Variants in FAM120B observed in about 807,000 individuals in gnomAD.
FAM120B encodes family with sequence similarity 120 member B, also known as constitutive coactivator of peroxisome proliferator-activated receptor gamma.
In FAM120B, 83 loss-of-function variants were observed where a neutral mutation model predicts 96.3. That is an observed-to-expected ratio of 0.86 (90% CI 0.72 to 1.03). The LOEUF (loss-of-function observed/expected upper bound fraction) is 1.03, where lower values mean the gene tolerates loss of function less well. Ranked by LOEUF, FAM120B falls within the 50% of genes least tolerant of loss-of-function variation. The probability of loss-of-function intolerance (pLI) is 0.00; values close to 1 mark genes in which losing one functional copy is unlikely to be tolerated. For missense variants in FAM120B, 1,027 were observed against 1,121.2 expected (o/e 0.92, Z 1.20); for synonymous variants, 407 against 402.7 (o/e 1.01, Z -0.13).
intron 1 of FAM120B, among the ~76,000 whole-genome samples, chr6:170,301,137 G>A (rs976245073): frequency 3.3e-5 from 5 of 152,256 alleles, no homozygotes; most frequent in Non-Finnish European, 5.9e-5. Context: ...GCAGACCTCT[G>A]CCTGGACATC....
At chr6:170,301,766 C>T (rs1784146926), upstream of FAM120B, among the ~76,000 whole-genome samples, 1 of 152,192 alleles carries the variant, frequency 6.6e-6, no homozygotes, top group Non-Finnish European at 1.5e-5. Context: ...ACTCCAGTTC[C>T]CAACAACTTC....
At chr6:170,398,390 G>C (rs1053014552) in intron 9 of FAM120B, among the ~76,000 whole-genome samples, 1 of 152,128 alleles carries the variant, frequency 6.6e-6, no homozygotes, top group Non-Finnish European at 1.5e-5. Context: ...TCTTAGGAGT[G>C]AGTGGGGAAG....
intron 8 of FAM120B, among the ~76,000 whole-genome samples, chr6:170,392,639 G>A (rs1398525393): frequency 6.6e-6 from 1 of 152,092 alleles, no homozygotes; most frequent in African/African-American, 2.4e-5. Flanking sequence ...TTTCTTGATG[G>A]AATAGGAGAA....
intron 6 of FAM120B, among the ~76,000 whole-genome samples, chr6:170,384,331 T>C (rs1036952524): frequency 2.0e-5 from 3 of 152,188 alleles, no homozygotes; most frequent in African/African-American, 7.2e-5. Flanking sequence ...TGGGGCCCTC[T>C]ATCCTATCTT....
rs534900414 is a variant in FAM120B at position 170,350,047 on chromosome 6, T to G, written c.2190+1724T>G. On this transcript the variant is annotated intron_variant, in intron 5 of 10. Transcript: ENST00000476287. ...TCATGAGCCCATACCACCACAGCCTTGAGTCTGATACACAGAGCTGTTTGG... is the reference window on the plus strand; with the variant it reads ...TCATGAGCCCATACCACCACAGCCTGGAGTCTGATACACAGAGCTGTTTGG... 2.6e-5 allele frequency among the ~76,000 whole-genome samples: 4 copies of G among 152,284 alleles called. No individual in the cohort carries two copies. The South Asian group carries it at 8.3e-4, about 32-fold the overall frequency.
chr6:170,295,937 T>C lies in FAM120B; in HGVS notation c.48+484T>C, dbSNP rs1210318810. On this transcript the variant is annotated intron_variant, in intron 1 of 10. Coordinates refer to the FAM120B transcript ENST00000537664. The surrounding 1 kb of genome is among the most constrained non-coding windows in gnomAD (Gnocchi z 7.8). ...GAACGGGCGGGTCGCGTGGCTCAGC[T>C]GGCGGCCCCGGCGCAGATGACGGCT... 6.6e-6 allele frequency among the ~76,000 whole-genome samples: 1 copy of C among 151,494 alleles called. No individual in the cohort carries two copies. The highest frequency in any genetic ancestry group is 1.5e-5 in the Non-Finnish European group (1 of 67,822).
At chr6:170,341,269 A>G (rs1280737809) in intron 4 of FAM120B, among the ~76,000 whole-genome samples, 3 of 152,356 alleles carry the variant, frequency 2.0e-5, no homozygotes, top group Middle Eastern at 3.4e-3. Flanking sequence ...AGTTCCGCCC[A>G]GTCCAAACTT....
At chr6:170,305,065 A>C (rs981337902), upstream of FAM120B, among the ~76,000 whole-genome samples, 2 of 152,028 alleles carry the variant, frequency 1.3e-5, no homozygotes, top group Non-Finnish European at 2.9e-5. Flanking sequence ...TCGTTATGGC[A>C]CTATTCCCAT....
At chr6:170,375,351 TC>T (rs1278906116) in intron 6 of FAM120B, among the ~76,000 whole-genome samples, 1 of 152,200 alleles carries the variant, frequency 6.6e-6, no homozygotes, top group African/African-American at 2.4e-5. Flanking sequence ...AAAACACAGT[TC>T]TCAGGTTATC....
At chr6:170,384,276 T>C (rs1197189444) in intron 6 of FAM120B, among the ~76,000 whole-genome samples, 5 of 152,194 alleles carry the variant, frequency 3.3e-5, no homozygotes, top group African/African-American at 2.4e-5. Flanking sequence ...CTGGTTTGGA[T>C]ATTGCCCTGT....
intron 5 of FAM120B, among the ~76,000 whole-genome samples, chr6:170,352,939 A>G (rs1485853941): frequency 6.6e-6 from 1 of 152,120 alleles, no homozygotes; most frequent in Non-Finnish European, 1.5e-5. Flanking sequence ...AAAAAAATCA[A>G]TGAATCCAGG....
In FAM120B at chr6:170,361,214, A is replaced by ACG. The variant is rs1317698646; in HGVS notation, c.2283+2896_2283+2897insCG. ...TATATACGTGTATATATATATATAT[A>ACG]TATATATATATATATATATATACAC... On this transcript the variant is annotated intron_variant, in intron 6 of 10. Coordinates refer to ENST00000476287, the MANE Select transcript of FAM120B (RefSeq NM_032448.3). Among the ~76,000 whole-genome samples the ACG allele has an allele frequency of 1.5e-4, 15 of 100,064 alleles. 1 individual carries two copies. In the East Asian group the frequency reaches 5.0e-3, roughly 33 times the overall value. 65.6% of individuals were successfully genotyped at this position (100,064 alleles called of 152,430 possible). A position where few individuals can be genotyped will look rare whatever the true frequency, so the allele number is the denominator to read the frequency against.
At chr6:170,330,330 C>T in intron 3 of FAM120B, 119 bp from the exon 4 acceptor site, 1 of 659,972 alleles carries the variant, frequency 1.5e-6, no homozygotes, top group Non-Finnish European at 2.7e-6. Flanking sequence ...GTTACTCAGT[C>T]ACCTTGGATT....
chr6:170,328,657 A>G (rs1785774246), intron 3 of FAM120B, among the ~76,000 whole-genome samples: 1 of 152,152 alleles, frequency 6.6e-6, no homozygotes, highest in South Asian at 2.1e-4. Flanking sequence ...CTATGGGTTT[A>G]TATTTCCTAT....
At chr6:170,291,883 C>T (rs971373874), upstream of FAM120B, among the ~76,000 whole-genome samples, 1 of 152,220 alleles carries the variant, frequency 6.6e-6, no homozygotes, top group African/African-American at 2.4e-5. Flanking sequence ...TCGGCCGCCG[C>T]CACCTTCCCC....
intron 6 of FAM120B, among the ~76,000 whole-genome samples, chr6:170,366,889 A>G (rs1788838567): frequency 6.6e-6 from 1 of 151,930 alleles, no homozygotes; most frequent in Admixed American, 6.6e-5. Flanking sequence ...AGCTCATGTT[A>G]TTTTTTAGAT....
At chr6:170,395,724 T>C in intron 9 of FAM120B, 145 bp downstream of exon 9, 1 of 625,952 alleles carries the variant, frequency 1.6e-6, no homozygotes, top group Non-Finnish European at 2.9e-6. Context: ...ATGCATCTAA[T>C]TTTTATCATT....
chr6:170,316,038 A>C (rs948399472), intron 1 of FAM120B, among the ~76,000 whole-genome samples: 2 of 145,744 alleles, frequency 1.4e-5, no homozygotes, highest in African/African-American at 5.1e-5. Flanking sequence ...CAGACGAGGC[A>C]ACAGAGTGAG....
At chr6:170,334,797 A>G (rs532618762) in intron 4 of FAM120B, among the ~76,000 whole-genome samples, 7 of 152,300 alleles carry the variant, frequency 4.6e-5, no homozygotes, top group Admixed American at 1.3e-4. Flanking sequence ...TTGCATTACT[A>G]CTTTTTATAG....
Sources: allele counts gnomAD v4.1 joint callset (sites outside exome capture counted in the v4.1 genomes callset), GRCh38; gene constraint gnomAD v4.1.1; non-coding constraint Gnocchi (gnomAD v3.1); transcripts MANE v1.5; gene names NCBI Gene and HGNC (gene_info 2026-07-23, HGNC 2026-07-21).